The following AGTPBP1 variants were observed in gnomAD, a reference collection of about 807,000 sequenced individuals.
The protein encoded by AGTPBP1 is cytosolic carboxypeptidase 1.
AGTPBP1 carries 70 observed loss-of-function variants against 143.9 expected under a neutral mutation model. That is an observed-to-expected ratio of 0.49 (90% confidence interval 0.40 to 0.59). The LOEUF (loss-of-function observed/expected upper bound fraction) is 0.59. Ranked by LOEUF, AGTPBP1 falls within the 20% of genes least tolerant of loss-of-function variation. The pLI is 0.00. For missense variants in AGTPBP1, 1,229 were observed against 1,464.5 expected (o/e 0.84, Z 2.62); for synonymous variants, 463 against 500.2 (o/e 0.93, Z 0.99).
At chr9:85,601,804 G>T (rs1488910191) in intron 17 of AGTPBP1, among the ~76,000 whole-genome samples, 1 of 152,130 alleles carries the variant, frequency 6.6e-6, no homozygotes, top group East Asian at 1.9e-4. Flanking sequence ...TCTTTGGCCT[G>T]CTGTTGCCAC....
At chr9:85,585,218 C>T (rs10217208) in intron 23 of AGTPBP1, among the ~76,000 whole-genome samples, 28,380 of 151,986 alleles carry the variant, frequency 0.19, 3,433 homozygotes, top group East Asian at 0.51. Flanking sequence ...GAGGTACTAT[C>T]GAGTTAATAG....
chr9:85,770,291 A>G, the AGTPBP1 span: 6 of 1,589,024 alleles, frequency 3.8e-6, no homozygotes, highest in Non-Finnish European at 4.3e-6. Context: ...TAGGAAGAAC[A>G]TGTTCTTTTC....
the AGTPBP1 span, among the ~76,000 whole-genome samples, chr9:85,796,688 CCT>C: frequency 1.3e-5 from 2 of 151,998 alleles, no homozygotes; most frequent in Non-Finnish European, 2.9e-5. Flanking sequence ...AGCTAGATAC[CCT>C]GTTTTACATG....
Position 85,657,479 on chromosome 9 carries a change from A to G in AGTPBP1, c.865T>C (p.Phe289Leu). 1.2e-6 allele frequency: 2 copies of G among 1,613,820 alleles called. No homozygotes were observed. Among genetic ancestry groups the G allele is most frequent in the Non-Finnish European group, 1.7e-6 (2 of 1,179,872 alleles). The change falls in exon 10 of 26, where the codon TTT (phenylalanine) becomes CTT (leucine). Residue 289 changes from phenylalanine (F) to leucine (L), a missense_variant. Coordinates refer to ENST00000357081, the MANE Select transcript of AGTPBP1 (RefSeq NM_001330701.2). ...VTNIKLGRKA[F>L]IDANGMKILY... is the part of the protein sequence containing the mutation. Reference sequence around the variant, plus strand: ...ATTTTCATCCCATTGGCATCAATAAATGCTTTTCTTCCCAACTTGATGTTT... The same window carrying G: ...ATTTTCATCCCATTGGCATCAATAAGTGCTTTTCTTCCCAACTTGATGTTT...
At chr9:85,659,547 C>G (rs1171977701) in intron 9 of AGTPBP1, among the ~76,000 whole-genome samples, 1 of 151,960 alleles carries the variant, frequency 6.6e-6, no homozygotes, top group African/African-American at 2.4e-5. Context: ...GTTTGCCCAC[C>G]ACCCTCATTT....
intron 25 of AGTPBP1, among the ~76,000 whole-genome samples, chr9:85,555,685 G>T (rs1275648978): frequency 6.6e-6 from 1 of 152,186 alleles, no homozygotes. Flanking sequence ...CCAGCGAGGG[G>T]GGCGAGGTGG....
intron 7 of AGTPBP1, among the ~76,000 whole-genome samples, chr9:85,671,081 G>A (rs1378810209): frequency 2.6e-5 from 4 of 151,438 alleles, no homozygotes; most frequent in Admixed American, 6.6e-5. Context: ...AGCTGAGACT[G>A]CAGGCACACA....
chr9:85,746,289 TCTAA>T (rs749257136), upstream of AGTPBP1, among the ~76,000 whole-genome samples: 21 of 152,196 alleles, frequency 1.4e-4, no homozygotes, highest in Non-Finnish European at 2.6e-4. Context: ...TCTCCTTTCT[TCTAA>T]CTATCAACTT....
intron 21 of AGTPBP1, among the ~76,000 whole-genome samples, chr9:85,587,362 G>A (rs1828679255): frequency 6.6e-6 from 1 of 152,070 alleles, no homozygotes; most frequent in Non-Finnish European, 1.5e-5. Flanking sequence ...CAATTAAAGT[G>A]CTATCTAGGT....
chr9:85,717,008 G>C (rs1383285651), intron 1 of AGTPBP1, among the ~76,000 whole-genome samples: 4 of 152,110 alleles, frequency 2.6e-5, no homozygotes, highest in Non-Finnish European at 5.9e-5. Context: ...CTTTTGCCTG[G>C]AATGTGCTTC....
At position 85,562,687 on chromosome 9, in the gene AGTPBP1, C is replaced by T. The variant is rs1358633123; in HGVS notation, c.3503+12628G>A. Among the ~76,000 whole-genome samples, 3 of 152,168 alleles carry T rather than the reference C, an allele frequency of 2.0e-5. No individual in the cohort carries two copies. In the East Asian group the frequency reaches 5.8e-4, roughly 29 times the overall value. ...TTATTTTTCATAATTATCACAAATTCACTTTGAATAAGTCTCTTACCTTTT... is the reference window on the plus strand; with the variant it reads ...TTATTTTTCATAATTATCACAAATTTACTTTGAATAAGTCTCTTACCTTTT... On this transcript the variant is annotated intron_variant, in intron 25 of 25. Coordinates refer to ENST00000357081, the MANE Select transcript of AGTPBP1 (RefSeq NM_001330701.2).
intron 3 of AGTPBP1, among the ~76,000 whole-genome samples, chr9:85,681,744 T>C (rs1424130610): frequency 3.0e-5 from 4 of 132,178 alleles, no homozygotes; most frequent in Non-Finnish European, 3.1e-5. Context: ...TGCATTAATA[T>C]CTTTTTTTTT....
At chr9:85,751,320 T>G in the AGTPBP1 span, among the ~76,000 whole-genome samples, 1 of 152,258 alleles carries the variant, frequency 6.6e-6, no homozygotes, top group African/African-American at 2.4e-5. Flanking sequence ...TGTTATAAAT[T>G]TGTCACAGCC....
chr9:85,702,701 A>G (rs1223481384), intron 2 of AGTPBP1, among the ~76,000 whole-genome samples: 1 of 149,888 alleles, frequency 6.7e-6, no homozygotes, highest in African/African-American at 2.5e-5. Context: ...TCATTGAATG[A>G]GCTGAATTTT....
rs1304074562 is a variant in AGTPBP1 at position 85,737,673 on chromosome 9, T to C, written c.-34+4102A>G. Among the ~76,000 whole-genome samples the C allele has an allele frequency of 4.6e-5, 7 of 152,284 alleles. No individual in the cohort carries two copies. The South Asian group carries it at 1.2e-3, about 27-fold the overall frequency. On this transcript the variant is annotated intron_variant, in intron 1 of 25. Transcript: ENST00000357081. ...ATTTACAAATGACCAAGGAATGATGTTACAATCTCAGGAATGAGTATAAGA... is the reference window on the plus strand; with the variant it reads ...ATTTACAAATGACCAAGGAATGATGCTACAATCTCAGGAATGAGTATAAGA...
intron 14 of AGTPBP1, among the ~76,000 whole-genome samples, chr9:85,624,827 C>A (rs1831169871): frequency 1.3e-5 from 2 of 152,150 alleles, no homozygotes. Context: ...TACTTTTCTT[C>A]CAGATTTTAC....
chr9:85,789,406 T>C, the AGTPBP1 span, among the ~76,000 whole-genome samples: 2 of 152,206 alleles, frequency 1.3e-5, no homozygotes, highest in Admixed American at 1.3e-4. Flanking sequence ...CCCTTTTGCA[T>C]GTATATAAAA....
chr9:85,758,593 G>C, the AGTPBP1 span, among the ~76,000 whole-genome samples: 31 of 152,098 alleles, frequency 2.0e-4, no homozygotes, highest in Non-Finnish European at 1.6e-4. Flanking sequence ...GCAGTGAGCC[G>C]AGACCATGCC....
chr9:85,687,320 G>A (rs1315097590), intron 3 of AGTPBP1, among the ~76,000 whole-genome samples: 2 of 151,896 alleles, frequency 1.3e-5, no homozygotes, highest in African/African-American at 4.8e-5. Flanking sequence ...AGAGCACCTG[G>A]GCAGAAAATC....
Sources: allele counts gnomAD v4.1 joint callset (sites outside exome capture counted in the v4.1 genomes callset), GRCh38; gene constraint gnomAD v4.1.1; transcripts MANE v1.5; gene names NCBI Gene and HGNC (gene_info 2026-07-23, HGNC 2026-07-21).